PIK3C2G: variants seen among roughly 807,000 people sequenced by gnomAD.
PIK3C2G encodes phosphatidylinositol 3-kinase C2 domain-containing subunit gamma.
In PIK3C2G, 168 loss-of-function variants were observed where a neutral mutation model predicts 181.1. The ratio of observed to expected loss-of-function variants is 0.93; its 90% CI spans 0.82 to 1.05. PIK3C2G has a LOEUF of 1.05. PIK3C2G is among the 50% of genes least tolerant of loss of function. The probability of loss-of-function intolerance (pLI) is 0.00; values close to 1 mark genes in which losing one functional copy is unlikely to be tolerated. For synonymous variants in PIK3C2G, 573 were observed against 592.2 expected, an observed-to-expected ratio of 0.97 and a Z score of 0.47; for missense variants, 1,869 against 1,732.8, an observed-to-expected ratio of 1.08 and a Z score of -1.40.
downstream of PIK3C2G, among the ~76,000 whole-genome samples, chr12:18,652,384 G>A (rs1444522852): frequency 6.6e-6 from 1 of 152,108 alleles, no homozygotes; most frequent in Non-Finnish European, 1.5e-5. Flanking sequence ...GTCAAGGAAT[G>A]CTAAAGATTG....
chr12:18,353,639 G>A (rs538832187), intron 11 of PIK3C2G, among the ~76,000 whole-genome samples: 3 of 152,262 alleles, frequency 2.0e-5, no homozygotes, highest in South Asian at 2.1e-4. Context: ...TGTAAAAACC[G>A]AGTTGGCCAC....
intron 16 of PIK3C2G, among the ~76,000 whole-genome samples, chr12:18,412,512 A>G (rs1944919967): frequency 6.6e-6 from 1 of 152,174 alleles, no homozygotes; most frequent in Non-Finnish European, 1.5e-5. Flanking sequence ...ATTAAGCCAC[A>G]TATTAAAGAG....
intron 13 of PIK3C2G, among the ~76,000 whole-genome samples, chr12:18,377,171 G>A (rs570073331): frequency 5.3e-4 from 81 of 152,096 alleles, no homozygotes; most frequent in Admixed American, 1.3e-3. Context: ...GCCAGCAATG[G>A]GCACATAGAA....
chr12:18,296,172 G>A (rs1949932473), intron 5 of PIK3C2G, among the ~76,000 whole-genome samples: 1 of 151,924 alleles, frequency 6.6e-6, no homozygotes, highest in Non-Finnish European at 1.5e-5. Context: ...TATTTCTCAG[G>A]GTTAGTGAAG....
intron 20 of PIK3C2G, among the ~76,000 whole-genome samples, chr12:18,492,861 C>T (rs368640024): frequency 6.6e-6 from 1 of 151,948 alleles, no homozygotes. Context: ...GCAGGTGGGA[C>T]CACACTCCTT....
chr12:18,381,817 T>TCC lies in PIK3C2G; in HGVS notation c.1934_1935dup (p.Val646ProfsTer2). On this transcript the variant is annotated frameshift_variant, in exon 14 of 33. Transcript: ENST00000538779. LOFTEE classifies it high-confidence loss of function. ...TCAGCATGACATTACAGAGTGAGCC[T>TCC]CCCGTAGAAATGATAACTCCAGGAG... 6.2e-7 allele frequency: 1 copy of TCC among 1,613,858 alleles called. No individual in the cohort carries two copies.
At chr12:18,641,440 G>A (rs2171331) in intron 32 of PIK3C2G, among the ~76,000 whole-genome samples, 1 of 151,770 alleles carries the variant, frequency 6.6e-6, no homozygotes, top group Non-Finnish European at 1.5e-5. Context: ...ACTGACCACA[G>A]CCCCATTCCT....
chr12:18,641,846 T>C (rs1471267225), intron 32 of PIK3C2G, among the ~76,000 whole-genome samples: 3 of 147,336 alleles, frequency 2.0e-5, no homozygotes, highest in Non-Finnish European at 4.4e-5. Context: ...ACCTCCCAGA[T>C]TCAAGCAATT....
In PIK3C2G at chr12:18,500,436, A is replaced by C. The variant is rs373545736; in HGVS notation, c.3016+2688A>C. Among the ~76,000 whole-genome samples, 9 of 152,212 alleles carry C rather than the reference A, an allele frequency of 5.9e-5. No individual in the cohort carries two copies. The East Asian group carries it at 1.8e-3, about 30-fold the overall frequency. On this transcript the variant is annotated intron_variant, in intron 22 of 32. Coordinates refer to ENST00000538779, the MANE Select transcript of PIK3C2G (RefSeq NM_001288772.2). The stretch of plus-strand genomic sequence containing the variant: ...CATGCCTGAGCCTCCCCAAGCCTCC[A>C]TGTGCTCCTGTGCAGCCGAGCCTCC...
At chr12:18,682,956 C>T in the PIK3C2G span, among the ~76,000 whole-genome samples, 1 of 151,806 alleles carries the variant, frequency 6.6e-6, no homozygotes, top group Non-Finnish European at 1.5e-5. Context: ...CTTATAAATT[C>T]TAGTAATTAA....
At chr12:18,243,438 T>C (rs988485322), upstream of PIK3C2G, among the ~76,000 whole-genome samples, 2 of 152,064 alleles carry the variant, frequency 1.3e-5, no homozygotes, top group Non-Finnish European at 2.9e-5. Context: ...TTAAATCATA[T>C]GTTAAAGGTC....
At chr12:18,332,540 A>T (rs1938086516) in intron 8 of PIK3C2G, among the ~76,000 whole-genome samples, 1 of 151,864 alleles carries the variant, frequency 6.6e-6, no homozygotes, top group Non-Finnish European at 1.5e-5. Flanking sequence ...CTTATCCCTG[A>T]CCTCTAATGG....
At chr12:18,564,030 A>C (rs951886053) in intron 28 of PIK3C2G, among the ~76,000 whole-genome samples, 1 of 149,922 alleles carries the variant, frequency 6.7e-6, no homozygotes, top group African/African-American at 2.5e-5. Flanking sequence ...TATGTTACTA[A>C]CTCATTTTGT....
intron 18 of PIK3C2G, among the ~76,000 whole-genome samples, chr12:18,440,642 G>T (rs971008694): frequency 2.0e-5 from 3 of 152,088 alleles, no homozygotes; most frequent in Non-Finnish European, 4.4e-5. Context: ...GGTGTTGGGA[G>T]GACAACAATG....
chr12:18,689,121 G>A, the PIK3C2G span, among the ~76,000 whole-genome samples: 1 of 152,052 alleles, frequency 6.6e-6, no homozygotes, highest in African/African-American at 2.4e-5. Context: ...ATGGGCATCA[G>A]CATAATTAGA....
At chr12:18,594,148 A>G (rs923396064) in intron 29 of PIK3C2G, among the ~76,000 whole-genome samples, 6 of 151,864 alleles carry the variant, frequency 4.0e-5, no homozygotes, top group Non-Finnish European at 8.8e-5. Flanking sequence ...CAGAAAGGCC[A>G]TCCAAGGATA....
intron 31 of PIK3C2G, among the ~76,000 whole-genome samples, chr12:18,631,240 A>C (rs1949338128): frequency 6.6e-6 from 1 of 152,176 alleles, no homozygotes; most frequent in Admixed American, 6.6e-5. Context: ...TTTCTCTTAA[A>C]GATTTGAAAA....
intron 18 of PIK3C2G, among the ~76,000 whole-genome samples, chr12:18,435,652 C>G (rs1387635943): frequency 6.6e-6 from 1 of 152,038 alleles, no homozygotes; most frequent in East Asian, 1.9e-4. Context: ...ATCTTGTAAG[C>G]CTTTCTACAT....
chr12:18,641,740 A>C (rs1591747811), intron 32 of PIK3C2G, among the ~76,000 whole-genome samples: 2 of 113,624 alleles, frequency 1.8e-5, no homozygotes, highest in East Asian at 2.4e-4. Context: ...TCTCTCTCTC[A>C]AGCTTTTTTT....
Sources: gnomAD v4.1 joint callset for allele counts (sites outside exome capture counted in the v4.1 genomes callset) on GRCh38, gnomAD v4.1.1 for gene constraint, MANE v1.5 for transcripts, NCBI Gene and HGNC (gene_info 2026-07-23, HGNC 2026-07-21) for gene names.